RPSA2: variants seen among roughly 807,000 people sequenced by gnomAD.
The protein encoded by RPSA2 is small ribosomal subunit protein uS2B.
the RPSA2 span, among the ~76,000 whole-genome samples, chr19:23,825,935 A>G: frequency 6.6e-6 from 1 of 151,358 alleles, no homozygotes; most frequent in African/African-American, 2.4e-5. Flanking sequence ...GTAAATCTAT[A>G]TGATTTCTGT....
chr19:23,764,055 TG>T, the RPSA2 span, among the ~76,000 whole-genome samples: 1 of 152,212 alleles, frequency 6.6e-6, no homozygotes, highest in Non-Finnish European at 1.5e-5. Flanking sequence ...GATTGAATTT[TG>T]TTTCCGCCTA....
At chr19:23,810,702 T>C in the RPSA2 span, among the ~76,000 whole-genome samples, 1 of 152,200 alleles carries the variant, frequency 6.6e-6, no homozygotes, top group South Asian at 2.1e-4. Context: ...GGGACCACAG[T>C]AAAGGCCAAG....
the RPSA2 span, among the ~76,000 whole-genome samples, chr19:23,839,716 C>T: frequency 3.3e-5 from 5 of 152,302 alleles, no homozygotes; most frequent in South Asian, 6.2e-4. Flanking sequence ...CCTCCTCCCT[C>T]TCCCATGGAT....
At chr19:23,811,891 G>A in the RPSA2 span, among the ~76,000 whole-genome samples, 3 of 152,036 alleles carry the variant, frequency 2.0e-5, no homozygotes, top group Non-Finnish European at 2.9e-5. Context: ...AAAATTGTCA[G>A]TAGTTTCTTT....
the RPSA2 span, among the ~76,000 whole-genome samples, chr19:23,768,591 T>C: frequency 5.3e-4 from 1 of 1,886 alleles, no homozygotes; most frequent in African/African-American, 6.3e-4. Context: ...TTTTTTTTTT[T>C]TTTTCTTTTT....
chr19:23,780,119 G>A, the RPSA2 span, among the ~76,000 whole-genome samples: 84 of 152,220 alleles, frequency 5.5e-4, no homozygotes, highest in East Asian at 0.016. Flanking sequence ...CTTACAAAAA[G>A]GAGTAAAATC....
chr19:23,765,310 AATT>A, the RPSA2 span, among the ~76,000 whole-genome samples: 1 of 152,212 alleles, frequency 6.6e-6, no homozygotes, highest in African/African-American at 2.4e-5. Context: ...AAGCAATATG[AATT>A]ATTCTATTAT....
the RPSA2 span, among the ~76,000 whole-genome samples, chr19:23,826,015 ATTGT>A: frequency 9.2e-6 from 1 of 109,086 alleles, no homozygotes; most frequent in Non-Finnish European, 1.8e-5. Context: ...TTTAGTTATT[ATTGT>A]TTATTTCTTG....
chr19:23,866,478 C>T, the RPSA2 span, among the ~76,000 whole-genome samples: 1 of 151,998 alleles, frequency 6.6e-6, no homozygotes, highest in Non-Finnish European at 1.5e-5. Flanking sequence ...AATGCCACCC[C>T]AGACCTCAGG....
At chr19:23,814,695 G>C in the RPSA2 span, among the ~76,000 whole-genome samples, 3 of 152,050 alleles carry the variant, frequency 2.0e-5, no homozygotes, top group African/African-American at 7.2e-5. Flanking sequence ...ATTATTTTTT[G>C]ATTCCTGAGC....
the RPSA2 span, chr19:23,831,617 TA>T: frequency 5.6e-6 from 1 of 179,812 alleles, no homozygotes; most frequent in Non-Finnish European, 1.3e-5. Flanking sequence ...TCATTTTGCT[TA>T]AGACCTCTGG....
At chr19:23,761,900 A>C in the RPSA2 span, among the ~76,000 whole-genome samples, 6 of 6,938 alleles carry the variant, frequency 8.6e-4, no homozygotes, top group African/African-American at 1.4e-3. Context: ...TGGGTAACGT[A>C]ATTCTTTCTT....
the RPSA2 span, among the ~76,000 whole-genome samples, chr19:23,821,216 G>A: frequency 2.6e-5 from 4 of 152,324 alleles, no homozygotes; most frequent in South Asian, 4.1e-4. Flanking sequence ...GAGTTAGTTT[G>A]TCAGCTTCCC....
chr19:23,808,233 A>G, the RPSA2 span, among the ~76,000 whole-genome samples: 1 of 151,628 alleles, frequency 6.6e-6, no homozygotes, highest in Non-Finnish European at 1.5e-5. Context: ...TTTTTGATTC[A>G]GTAGTACCAG....
the RPSA2 span, among the ~76,000 whole-genome samples, chr19:23,836,330 T>C: frequency 6.6e-6 from 1 of 152,094 alleles, no homozygotes. Flanking sequence ...TTTAATTAAT[T>C]ACTTGTTATG....
At chr19:23,857,340 T>G in the RPSA2 span, among the ~76,000 whole-genome samples, 101 of 152,260 alleles carry the variant, frequency 6.6e-4, 3 homozygotes, top group East Asian at 0.018. Flanking sequence ...AAGAGTATTA[T>G]TTGGGAAGTG....
chr19:23,792,334 C>G, the RPSA2 span, among the ~76,000 whole-genome samples: 5 of 152,078 alleles, frequency 3.3e-5, no homozygotes, highest in African/African-American at 1.2e-4. Flanking sequence ...AATTTCCCAA[C>G]CTGATTATCC....
chr19:23,800,370 G>T, the RPSA2 span, among the ~76,000 whole-genome samples: 2 of 151,656 alleles, frequency 1.3e-5, no homozygotes, highest in Non-Finnish European at 2.9e-5. Flanking sequence ...GGTTTCTCTG[G>T]GGCTGAAGAG....
chr19:23,783,467 C>G, the RPSA2 span, among the ~76,000 whole-genome samples: 1 of 147,296 alleles, frequency 6.8e-6, no homozygotes, highest in African/African-American at 2.5e-5. Context: ...GGCCCTCCCA[C>G]AGAAATACTC....
Sources: allele counts gnomAD v4.1 joint callset (sites outside exome capture counted in the v4.1 genomes callset), GRCh38; gene constraint gnomAD v4.1.1; transcripts MANE v1.5; gene names NCBI Gene and HGNC (gene_info 2026-07-23, HGNC 2026-07-21).